The following PCDHGA12 variants were observed in gnomAD, a reference collection of about 807,000 sequenced individuals.
PCDHGA12 encodes the protein protocadherin gamma subfamily A, 12, also known as protocadherin gamma-A12.
Under a neutral mutation model 61.1 loss-of-function variants are expected in PCDHGA12, and 43 were observed. The observed-to-expected ratio is 0.70, with a 90% confidence interval of 0.55 to 0.91. The LOEUF (loss-of-function observed/expected upper bound fraction) is 0.91, where lower values mean the gene tolerates loss of function less well. PCDHGA12 is among the 40% of genes least tolerant of loss of function. The pLI is 0.00. For synonymous variants in PCDHGA12, 520 were observed against 542.9 expected (o/e 0.96, Z 0.59); for missense variants, 1,236 against 1,227.7 (o/e 1.01, Z -0.10).
intron 1 of PCDHGA12, among the ~76,000 whole-genome samples, chr5:141,474,143 TATC>T (rs1371874237): frequency 1.3e-5 from 2 of 152,188 alleles, no homozygotes; most frequent in Non-Finnish European, 2.9e-5. Context: ...CAGGCCTTAT[TATC>T]AAGAAAATGA....
chr5:141,431,505 C>T lies in PCDHGA12; in HGVS notation c.746C>T (p.Ala249Val). 1.2e-6 allele frequency: 2 copies of T among 1,614,018 alleles called. No individual in the cohort carries two copies. The highest frequency in any genetic ancestry group is 1.7e-6 in the Non-Finnish European group (2 of 1,180,028). Residue 249 changes from alanine (A) to valine (V), a missense_variant, in exon 1 of 4, where the codon GCG becomes GTG. Ala to Val is a moderately conservative substitution (Grantham distance 64). Coordinates refer to ENST00000252085, the MANE Select transcript of PCDHGA12 (RefSeq NM_003735.3). This position sits in a 1 kb window ranked among gnomAD's most constrained non-coding sequence, Gnocchi z 4.8. ...APAFAQPEYRASVPENLALGT... is the reference protein window; with the variant it reads ...APAFAQPEYRVSVPENLALGT... ...GCGTTTGCTCAGCCCGAGTACCGCG[C>T]GAGCGTTCCGGAGAATCTGGCCTTG...
intron 1 of PCDHGA12, among the ~76,000 whole-genome samples, chr5:141,474,511 C>T (rs2099350824): frequency 6.6e-6 from 1 of 152,202 alleles, no homozygotes; most frequent in Non-Finnish European, 1.5e-5. Context: ...TATCAGCCCT[C>T]TTGCTGGTCT....
intron 1 of PCDHGA12, among the ~76,000 whole-genome samples, chr5:141,461,756 C>T (rs887460069): frequency 6.6e-6 from 1 of 151,832 alleles, no homozygotes; most frequent in Non-Finnish European, 1.5e-5. Flanking sequence ...CAGATTCAAG[C>T]GATTCTCCTG....
chr5:141,506,645 A>G (rs1229614297), intron 3 of PCDHGA12, among the ~76,000 whole-genome samples: 3 of 152,188 alleles, frequency 2.0e-5, no homozygotes, highest in African/African-American at 7.2e-5. Context: ...CCCTCAGCAC[A>G]GGATTGGCAG....
In PCDHGA12 at chr5:141,487,608, G is replaced by T; in HGVS notation, c.2425-7199G>T. 1 of 1,614,182 alleles carries T rather than the reference G, an allele frequency of 6.2e-7. No individual in the cohort carries two copies. The highest frequency in any genetic ancestry group is 8.5e-7 in the Non-Finnish European group (1 of 1,180,042). On this transcript the variant is annotated intron_variant, in intron 1 of 3. Coordinates refer to ENST00000252085, the MANE Select transcript of PCDHGA12 (RefSeq NM_003735.3). The surrounding 1 kb of genome is among the most constrained non-coding windows in gnomAD (Gnocchi z 5.0). ...TGCCCACCCTCTGATCTTCTCTATG[G>T]GCTAGAGGTGAGACCTTTGCAGGCT...
chr5:141,461,037 G>T (rs1254497108), intron 1 of PCDHGA12, among the ~76,000 whole-genome samples: 1 of 150,988 alleles, frequency 6.6e-6, no homozygotes, highest in Non-Finnish European at 1.5e-5. Flanking sequence ...CCACTCATTA[G>T]TCGATGGGGA....
intron 1 of PCDHGA12, among the ~76,000 whole-genome samples, chr5:141,468,824 C>A (rs1288506117): frequency 6.6e-6 from 1 of 152,010 alleles, no homozygotes; most frequent in Non-Finnish European, 1.5e-5. Flanking sequence ...CAAGATCAAG[C>A]CACTGCACTC....
chr5:141,433,040 A>G lies in PCDHGA12; in HGVS notation c.2281A>G (p.Thr761Ala). The change falls in exon 1 of 4, where the codon ACG (threonine) becomes GCG (alanine). Residue 761 changes from threonine to alanine, a missense_variant. By Grantham distance (58) the Thr-to-Ala change is moderately conservative. Transcript: ENST00000252085. ...CTATTCCCACGAGGTTTCCCTCACC[A>G]CGGACTCGCGGAAGAGTCACCTGAT... The part of the protein sequence containing the change: ...QTYSHEVSLT[T>A]DSRKSHLIFP... 1 of 1,614,086 alleles carries G rather than the reference A, an allele frequency of 6.2e-7. No individual in the cohort carries two copies. Among genetic ancestry groups the G allele is most frequent in the Non-Finnish European group, 8.5e-7 (1 of 1,179,992 alleles).
intron 1 of PCDHGA12, among the ~76,000 whole-genome samples, chr5:141,459,249 A>G (rs901058693): frequency 6.6e-6 from 1 of 152,218 alleles, no homozygotes; most frequent in Non-Finnish European, 1.5e-5. Flanking sequence ...TCCTGTCACT[A>G]TAAATTAGTG....
At chr5:141,443,126 A>G (rs972396091) in intron 1 of PCDHGA12, among the ~76,000 whole-genome samples, 1 of 152,190 alleles carries the variant, frequency 6.6e-6, no homozygotes, top group Non-Finnish European at 1.5e-5. Context: ...AACCAGATTA[A>G]GAACACTATC....
chr5:141,457,386 A>G lies in PCDHGA12; in HGVS notation c.2424+24203A>G, dbSNP rs1303460358. Reference sequence around the variant, plus strand: ...TGCAAAATAATTGCCCAGAACTAGCATATTGATTCACATTTTCACATTACC... The same window carrying G: ...TGCAAAATAATTGCCCAGAACTAGCGTATTGATTCACATTTTCACATTACC... On this transcript the variant is annotated intron_variant, in intron 1 of 3. Transcript: ENST00000252085. Among the ~76,000 whole-genome samples the G allele has an allele frequency of 5.3e-5, 8 of 152,210 alleles. No homozygotes were observed. The East Asian group carries it at 1.3e-3, about 26-fold the overall frequency.
At chr5:141,470,173 A>G (rs527296791) in intron 1 of PCDHGA12, among the ~76,000 whole-genome samples, 1 of 152,342 alleles carries the variant, frequency 6.6e-6, no homozygotes, top group South Asian at 2.1e-4. Context: ...AAGTATGCAA[A>G]ATATTCAAGT....
At position 141,493,906 on chromosome 5, in the gene PCDHGA12, G is replaced by A. The variant is rs2099750764; in HGVS notation, c.2425-901G>A. ...CTCTAGGAGTGCTCCATGAGAGTGT[G>A]TGATGGGATAACACACCCCCTGGAA... is the stretch of plus-strand genomic sequence containing the variant. On this transcript the variant is annotated intron_variant, in intron 1 of 3. Transcript: ENST00000252085. The surrounding 1 kb of genome is among the most constrained non-coding windows in gnomAD (Gnocchi z 4.3). Among the ~76,000 whole-genome samples the A allele has an allele frequency of 6.6e-6, 1 of 152,200 alleles. No individual in the cohort carries two copies. Among genetic ancestry groups the A allele is most frequent in the Non-Finnish European group, 1.5e-5 (1 of 68,032 alleles).
At chr5:141,505,344 AGCT>A in intron 2 of PCDHGA12, 46 bp from the exon 3 acceptor site, 1 of 1,613,046 alleles carries the variant, frequency 6.2e-7, no homozygotes, top group South Asian at 1.1e-5. Flanking sequence ...GAGGGGCATG[AGCT>A]GTGCCGGCCT....
rs754299511 is a variant in PCDHGA12 at position 141,476,353 on chromosome 5, G to A, written c.2425-18454G>A. 4 of 1,614,202 alleles carry A rather than the reference G, an allele frequency of 2.5e-6. No individual in the cohort carries two copies. Among genetic ancestry groups the A allele is most frequent in the South Asian group, 1.1e-5 (1 of 91,082 alleles). On this transcript the variant is annotated intron_variant, in intron 1 of 3. Coordinates refer to ENST00000252085, the MANE Select transcript of PCDHGA12 (RefSeq NM_003735.3). The surrounding 1 kb of genome is among the most constrained non-coding windows in gnomAD (Gnocchi z 7.6). The stretch of plus-strand genomic sequence containing the variant: ...GAGCTAGCCGAAGATTCTTTGAGGT[G>A]AACCGGGAGACCGGAGAGATGTTTG...
rs780380650 is a variant in PCDHGA12 at position 141,432,715 on chromosome 5, C to G, written c.1956C>G (p.Pro652=). 2.5e-6 allele frequency: 4 copies of G among 1,613,996 alleles called. No homozygotes were observed. Among genetic ancestry groups the G allele is most frequent in the Non-Finnish European group, 3.4e-6 (4 of 1,179,970 alleles). Residue 652 remains proline, a synonymous_variant, in exon 1 of 4, where the codon CCC becomes CCG. Transcript: ENST00000252085. The surrounding 1 kb of genome is among the most constrained non-coding windows in gnomAD (Gnocchi z 6.0). ...LVVAVQDHGQ[P]PLSATVTLTV... ...TGGCCGTCCAGGACCACGGCCAGCC[C>G]CCTCTCTCCGCCACTGTCACGCTCA... is the stretch of plus-strand genomic sequence containing the variant.
chr5:141,473,219 G>A (rs1198994780), intron 1 of PCDHGA12, among the ~76,000 whole-genome samples: 2 of 151,864 alleles, frequency 1.3e-5, no homozygotes, highest in Non-Finnish European at 2.9e-5. Flanking sequence ...TTACTTCCAG[G>A]GAGATTGGAT....
chr5:141,499,485 A>G (rs1278629076), intron 2 of PCDHGA12, among the ~76,000 whole-genome samples: 2 of 152,226 alleles, frequency 1.3e-5, no homozygotes, highest in Non-Finnish European at 2.9e-5. Flanking sequence ...ACCACCAACT[A>G]CAGTTTAATA....
At position 141,432,727 on chromosome 5, in the gene PCDHGA12, C is replaced by T; in HGVS notation, c.1968C>T (p.Ala656=). 6.2e-7 allele frequency: 1 copy of T among 1,614,090 alleles called. No individual in the cohort carries two copies. Among genetic ancestry groups the T allele is most frequent in the Non-Finnish European group, 8.5e-7 (1 of 1,179,996 alleles). ...ACCACGGCCAGCCCCCTCTCTCCGC[C>T]ACTGTCACGCTCACCGTGGCCGTGG... ...VQDHGQPPLS[A]TVTLTVAVAD... is the part of the protein sequence containing the mutation. Residue 656 remains alanine (A), a synonymous_variant, in exon 1 of 4, where the codon GCC becomes GCT. Transcript: ENST00000252085. The surrounding 1 kb of genome is among the most constrained non-coding windows in gnomAD (Gnocchi z 6.0).
Sources: allele counts gnomAD v4.1 joint callset (sites outside exome capture counted in the v4.1 genomes callset), GRCh38; gene constraint gnomAD v4.1.1; non-coding constraint Gnocchi (gnomAD v3.1); transcripts MANE v1.5; gene names NCBI Gene and HGNC (gene_info 2026-07-23, HGNC 2026-07-21).